Variants in DPP4 observed in about 807,000 individuals in gnomAD.
DPP4 encodes ADCP-2.
A neutral mutation model predicts 122.4 loss-of-function variants in DPP4; 93 were observed. The observed-to-expected ratio is 0.76, with a 90% CI of 0.64 to 0.90. The LOEUF is 0.90. Among genes scored for constraint, DPP4 ranks in the 40% least tolerant of loss-of-function variants. The pLI is 0.00. For synonymous variants in DPP4, 321 were observed against 302.9 expected, an observed-to-expected ratio of 1.06 and a Z score of -0.62; for missense variants, 914 against 907.3, an observed-to-expected ratio of 1.01 and a Z score of -0.09.
At chr2:161,993,431 T>C in intron 25 of DPP4, 47 bp from the exon 26 acceptor site, 1 of 1,322,214 alleles carries the variant, frequency 7.6e-7, no homozygotes, top group Non-Finnish European at 1.1e-6. Context: ...TCAGTACTCT[T>C]CTTAAAAAAA....
At chr2:162,046,826 G>A in intron 4 of DPP4, 89 bp downstream of exon 4, 3 of 858,510 alleles carry the variant, frequency 3.5e-6, no homozygotes, top group Non-Finnish European at 6.0e-6. Context: ...AGTCCAACAG[G>A]TTGAGAAATG....
chr2:162,069,457 C>T (rs1685046683), intron 2 of DPP4, among the ~76,000 whole-genome samples: 1 of 152,202 alleles, frequency 6.6e-6, no homozygotes, highest in Non-Finnish European at 1.5e-5. Flanking sequence ...ACTGAGTAGT[C>T]TTCATTTTCT....
chr2:162,031,330 G>A (rs942321035), intron 10 of DPP4, among the ~76,000 whole-genome samples: 1 of 152,186 alleles, frequency 6.6e-6, no homozygotes, highest in African/African-American at 2.4e-5. Flanking sequence ...GACTAGACCT[G>A]CCAAAACTGA....
intron 5 of DPP4, among the ~76,000 whole-genome samples, chr2:162,039,759 A>T (rs552621222): frequency 8.5e-4 from 129 of 151,976 alleles, no homozygotes; most frequent in African/African-American, 8.7e-4. Flanking sequence ...GGGAAATAAA[A>T]TTTTTTTTTA....
chr2:161,993,828 CTG>C (rs774949273), intron 25 of DPP4, among the ~76,000 whole-genome samples: 3 of 151,484 alleles, frequency 2.0e-5, no homozygotes, highest in Non-Finnish European at 4.4e-5. Flanking sequence ...GTAAGATAAA[CTG>C]TATTAAACTA....
chr2:162,047,148 A>T, intron 3 of DPP4, 142 bp from the exon 4 acceptor site: 1 of 553,244 alleles, frequency 1.8e-6, no homozygotes, highest in South Asian at 2.9e-5. Context: ...TATTATACTA[A>T]CATTCATTCA....
intron 2 of DPP4, among the ~76,000 whole-genome samples, chr2:162,053,040 A>G (rs1432976490): frequency 1.3e-5 from 2 of 152,266 alleles, no homozygotes; most frequent in African/African-American, 4.8e-5. Flanking sequence ...GACATCCTAT[A>G]GGAAAATGTG....
Position 162,016,842 on chromosome 2 carries a change from G to A in DPP4, c.1493C>T (p.Ser498Leu). ...ATTCTGCAGCATTTTATCCAAAGCT[G>A]AATTGTCTTCCAGGACTCTCAGCCC... ...DKGLRVLEDN[S>L]ALDKMLQNVQ... Residue 498 changes from serine to leucine, a missense_variant, in exon 18 of 26, where the codon TCA (serine) becomes TTA (leucine). Coordinates refer to ENST00000360534, the MANE Select transcript of DPP4 (RefSeq NM_001935.4). 6.2e-7 allele frequency: 1 copy of A among 1,612,584 alleles called. No homozygotes were observed.
chr2:162,003,222 G>C (rs1395322621), intron 23 of DPP4, among the ~76,000 whole-genome samples: 4 of 152,154 alleles, frequency 2.6e-5, no homozygotes, highest in Non-Finnish European at 5.9e-5. Flanking sequence ...AGGAGGAAGT[G>C]ACTTCTATTT....
intron 2 of DPP4, among the ~76,000 whole-genome samples, chr2:162,053,955 C>T (rs1233729540): frequency 2.0e-5 from 3 of 152,274 alleles, no homozygotes; most frequent in African/African-American, 7.2e-5. Context: ...GCAATGTCAG[C>T]CGGGAGAGTC....
chr2:162,029,203 G>A (rs911621291), intron 10 of DPP4, among the ~76,000 whole-genome samples: 4 of 152,178 alleles, frequency 2.6e-5, no homozygotes, highest in African/African-American at 9.7e-5. Flanking sequence ...TTTAATAAAT[G>A]TTTGTTGGGT....
intron 2 of DPP4, among the ~76,000 whole-genome samples, chr2:162,054,072 C>T (rs528578719): frequency 1.8e-4 from 27 of 152,310 alleles, no homozygotes; most frequent in African/African-American, 4.3e-4. Context: ...ACCCAACCCC[C>T]ACCCTAGCAT....
Position 161,995,335 on chromosome 2 carries a change from TG to T in DPP4, c.2089del (p.Gln697LysfsTer46). The T allele has an allele frequency of 6.2e-7, 1 of 1,614,078 alleles. No homozygotes were observed. ...TCCATGAATAAGGAGGTACTCAACT[TG>T]TTTAAAATTTTCAGCTCTGCTCATG... ...TVMSRAENFK[Q>X]VEYLLIHGTA... On this transcript the variant is annotated frameshift_variant, in exon 24 of 26. Transcript: ENST00000360534. LOFTEE classifies it high-confidence loss of function.
intron 9 of DPP4, among the ~76,000 whole-genome samples, chr2:162,034,045 A>C (rs1683674760): frequency 6.6e-6 from 1 of 151,928 alleles, no homozygotes; most frequent in South Asian, 2.1e-4. Context: ...TGAGACCAAA[A>C]GTCTTTGATG....
At chr2:162,028,132 C>T (rs957841680) in intron 10 of DPP4, among the ~76,000 whole-genome samples, 1 of 151,154 alleles carries the variant, frequency 6.6e-6, no homozygotes, top group Non-Finnish European at 1.5e-5. Flanking sequence ...GAGGCCAACA[C>T]AGGTGGATCA....
chr2:161,995,329 T>G lies in DPP4; in HGVS notation c.2096A>C (p.Glu699Ala). 1 of 1,614,110 alleles carries G rather than the reference T, an allele frequency of 6.2e-7. No individual in the cohort carries two copies. The highest frequency in any genetic ancestry group is 8.5e-7 in the Non-Finnish European group (1 of 1,179,974). Reference protein sequence around the residue: ...MSRAENFKQVEYLLIHGTADD... With the variant: ...MSRAENFKQVAYLLIHGTADD... ...TGCTGTTCCATGAATAAGGAGGTAC[T>G]CAACTTGTTTAAAATTTTCAGCTCT... is the stretch of plus-strand genomic sequence containing the variant. The change falls in exon 24 of 26, where the codon GAG becomes GCG. Residue 699 changes from glutamate to alanine, a missense_variant. Glu to Ala is a moderately radical substitution (Grantham distance 107). Transcript: ENST00000360534.
chr2:162,017,314 C>T (rs1682961802), intron 16 of DPP4, 159 bp from the exon 17 acceptor site: 1 of 616,082 alleles, frequency 1.6e-6, no homozygotes, highest in Non-Finnish European at 2.8e-6. Flanking sequence ...GCTGTTTCTC[C>T]TCCCCCTCTC....
Position 162,073,967 on chromosome 2 carries a change from G to T in DPP4, c.6+9C>A, listed in dbSNP as rs1436944260. 1 of 1,611,934 alleles carries T rather than the reference G, an allele frequency of 6.2e-7. No individual in the cohort carries two copies. Among genetic ancestry groups the T allele is most frequent in the East Asian group, 2.2e-5 (1 of 44,676 alleles). ...CTCGCCCCGGGGACGTACGTGGCGC[G>T]GCACTCACCTTCATCGTCGGCGTCT... On this transcript the variant is annotated intron_variant, in intron 1 of 25. Transcript: ENST00000360534.
At chr2:162,073,672 C>T (rs1443855643) in intron 1 of DPP4, 186 bp from the exon 2 acceptor site, 5 of 674,656 alleles carry the variant, frequency 7.4e-6, no homozygotes, top group Admixed American at 5.2e-5. Context: ...AGGCGGGTGC[C>T]CTTGAACTTG....
Sources: allele counts gnomAD v4.1 joint callset (sites outside exome capture counted in the v4.1 genomes callset), GRCh38; gene constraint gnomAD v4.1.1; transcripts MANE v1.5; gene names NCBI Gene and HGNC (gene_info 2026-07-23, HGNC 2026-07-21).